The following CADM2 variants were observed in gnomAD, a reference collection of about 807,000 sequenced individuals.
CADM2 encodes immunoglobulin superfamily member 4D.
Under a neutral mutation model 49.8 loss-of-function variants are expected in CADM2, and 12 were observed. The ratio of observed to expected loss-of-function variants is 0.24; its 90% CI spans 0.15 to 0.39. CADM2 has a LOEUF of 0.39. Ranked by LOEUF, CADM2 falls within the 10% of genes least tolerant of loss-of-function variation. CADM2 has a pLI of 1.00. For synonymous variants in CADM2, 214 were observed against 175.4 expected, an observed-to-expected ratio of 1.22 and a Z score of -1.74; for missense variants, 378 against 492.3, an observed-to-expected ratio of 0.77 and a Z score of 2.20.
intron 1 of CADM2, among the ~76,000 whole-genome samples, chr3:85,035,973 C>T (rs2035193893): frequency 1.3e-5 from 2 of 152,146 alleles, no homozygotes; most frequent in South Asian, 4.1e-4. Context: ...ATAGAGAGCA[C>T]AGTGCTAAGC....
At chr3:85,565,327 G>C (rs1254450845) in intron 1 of CADM2, among the ~76,000 whole-genome samples, 1 of 152,044 alleles carries the variant, frequency 6.6e-6, no homozygotes, top group Non-Finnish European at 1.5e-5. Flanking sequence ...CTGACATTTA[G>C]AGTGTATAAT....
At chr3:85,208,471 G>A (rs1316012931) in intron 1 of CADM2, among the ~76,000 whole-genome samples, 1 of 152,098 alleles carries the variant, frequency 6.6e-6, no homozygotes, top group Non-Finnish European at 1.5e-5. Flanking sequence ...TTGCTCACAA[G>A]GTGACCTGGG....
intron 1 of CADM2, among the ~76,000 whole-genome samples, chr3:85,021,721 G>A (rs1204925481): frequency 1.3e-5 from 2 of 152,174 alleles, no homozygotes; most frequent in Non-Finnish European, 2.9e-5. Flanking sequence ...GTTGCAGTGA[G>A]CCGAGATCAT....
chr3:85,499,142 C>A (rs552735054), intron 1 of CADM2, among the ~76,000 whole-genome samples: 3 of 151,962 alleles, frequency 2.0e-5, no homozygotes, highest in Admixed American at 6.6e-5. Context: ...ATCAGGACTC[C>A]TAACAACAAC....
intron 1 of CADM2, among the ~76,000 whole-genome samples, chr3:85,377,857 G>A (rs963378797): frequency 3.3e-5 from 5 of 152,108 alleles, no homozygotes; most frequent in African/African-American, 9.6e-5. Context: ...CCCAGGGAGC[G>A]ATGCGAATTA....
At chr3:85,239,304 ATGGC>A (rs1463222670) in intron 1 of CADM2, among the ~76,000 whole-genome samples, 1 of 151,832 alleles carries the variant, frequency 6.6e-6, no homozygotes, top group East Asian at 1.9e-4. Context: ...TATACTTTAG[ATGGC>A]AGACTGTGTG....
At chr3:85,346,526 A>T (rs1006351376) in intron 1 of CADM2, among the ~76,000 whole-genome samples, 1 of 152,174 alleles carries the variant, frequency 6.6e-6, no homozygotes, top group African/African-American at 2.4e-5. Context: ...TATTGTTGAT[A>T]CTGAGAATTT....
intron 1 of CADM2, among the ~76,000 whole-genome samples, chr3:85,382,448 G>A (rs886310245): frequency 3.3e-5 from 5 of 152,116 alleles, no homozygotes; most frequent in Non-Finnish European, 7.4e-5. Context: ...CCTATTAATA[G>A]TCTAAAAGCA....
At chr3:85,835,228 T>C (rs1193230909) in intron 3 of CADM2, among the ~76,000 whole-genome samples, 2 of 151,538 alleles carry the variant, frequency 1.3e-5, no homozygotes, top group African/African-American at 2.4e-5. Flanking sequence ...AATGTTTTGA[T>C]AGACATATTT....
intron 2 of CADM2, among the ~76,000 whole-genome samples, chr3:85,785,173 G>A (rs1353873060): frequency 6.6e-6 from 1 of 151,706 alleles, no homozygotes; most frequent in Non-Finnish European, 1.5e-5. Flanking sequence ...TCTTTTTTCT[G>A]TTTTCCTCAA....
chr3:85,578,721 T>C (rs1175052479), intron 1 of CADM2, among the ~76,000 whole-genome samples: 2 of 152,238 alleles, frequency 1.3e-5, no homozygotes, highest in African/African-American at 4.8e-5. Flanking sequence ...TTTGCATCTA[T>C]GAATTTAAAT....
At chr3:85,145,650 G>T (rs1201247393) in intron 1 of CADM2, among the ~76,000 whole-genome samples, 1 of 152,036 alleles carries the variant, frequency 6.6e-6, no homozygotes, top group Non-Finnish European at 1.5e-5. Context: ...GCAGGCAAAA[G>T]AATCATCCCT....
chr3:85,822,024 CTA>C (rs1223545248), intron 3 of CADM2, among the ~76,000 whole-genome samples: 1 of 152,082 alleles, frequency 6.6e-6, no homozygotes, highest in Non-Finnish European at 1.5e-5. Flanking sequence ...TATTAAATGT[CTA>C]TATGCATATT....
chr3:85,618,994 TC>T (rs1327631375), intron 1 of CADM2, among the ~76,000 whole-genome samples: 4 of 151,424 alleles, frequency 2.6e-5, no homozygotes, highest in Non-Finnish European at 5.9e-5. Context: ...GGAGCTGAGA[TC>T]GGCCACTGCA....
chr3:85,674,623 A>G (rs2065841292), intron 1 of CADM2, among the ~76,000 whole-genome samples: 1 of 152,180 alleles, frequency 6.6e-6, no homozygotes, highest in Non-Finnish European at 1.5e-5. Context: ...TGAAAGAAAA[A>G]TCATTAATTC....
At position 84,979,671 on chromosome 3, in the gene CADM2, G is replaced by GT. The variant is rs200806240; in HGVS notation, c.61+20011dup. Among the ~76,000 whole-genome samples, 345 of 150,720 alleles carry GT rather than the reference G, an allele frequency of 2.3e-3. 3 individuals carry two copies. Among genetic ancestry groups the GT allele is most frequent in the African/African-American group, 7.7e-3 (318 of 41,092 alleles). On this transcript the variant is annotated intron_variant, in intron 1 of 9. Transcript: ENST00000383699. ...GATTTTACACTAAGTATTATAAACT[G>GT]TTTTTTTTATATCCATAGAGACTAA...
intron 1 of CADM2, among the ~76,000 whole-genome samples, chr3:85,286,400 A>C (rs2043633866): frequency 6.6e-6 from 1 of 152,186 alleles, no homozygotes; most frequent in Non-Finnish European, 1.5e-5. Flanking sequence ...GCTAGCTTGA[A>C]ATTAGGAACA....
intron 5 of CADM2, among the ~76,000 whole-genome samples, chr3:85,903,922 T>C (rs183160885): frequency 1.9e-3 from 291 of 152,292 alleles, no homozygotes; most frequent in Non-Finnish European, 3.7e-3. Flanking sequence ...TTGTTTTTTC[T>C]TGAGGCCAGT....
chr3:85,090,759 A>G (rs2037565324), intron 1 of CADM2, among the ~76,000 whole-genome samples: 1 of 152,164 alleles, frequency 6.6e-6, no homozygotes, highest in Non-Finnish European at 1.5e-5. Context: ...AGATTCTCAT[A>G]GAAGTGCAAA....
Sources: gnomAD v4.1 joint callset for allele counts (sites outside exome capture counted in the v4.1 genomes callset) on GRCh38, gnomAD v4.1.1 for gene constraint, MANE v1.5 for transcripts, NCBI Gene and HGNC (gene_info 2026-07-23, HGNC 2026-07-21) for gene names.